AEBP2: variants seen among roughly 807,000 people sequenced by gnomAD.
The protein encoded by AEBP2 is AE binding protein 2, also known as zinc finger protein AEBP2.
In AEBP2, 10 loss-of-function variants were observed where a neutral mutation model predicts 50.8. That is an observed-to-expected ratio of 0.20 (90% CI 0.12 to 0.33). The LOEUF is 0.33. AEBP2 is among the 10% of genes least tolerant of loss of function. The pLI is 1.00. For synonymous variants in AEBP2, 296 were observed against 261.3 expected, an observed-to-expected ratio of 1.13 and a Z score of -1.28; for missense variants, 570 against 688.0, an observed-to-expected ratio of 0.83 and a Z score of 1.92.
At chr12:19,475,294 C>G (rs962405180) in intron 3 of AEBP2, among the ~76,000 whole-genome samples, 5 of 150,920 alleles carry the variant, frequency 3.3e-5, no homozygotes, top group Admixed American at 6.6e-5. Context: ...TAGCTTAGCT[C>G]CTAATTATAA....
intron 1 of AEBP2, among the ~76,000 whole-genome samples, chr12:19,452,968 T>TTC (rs1465820236): frequency 8.3e-6 from 1 of 120,994 alleles, no homozygotes; most frequent in Non-Finnish European, 1.8e-5. Context: ...GTTCTTTTTT[T>TTC]TTTTTTTTTT....
rs928521424 is a variant in AEBP2 at position 19,519,982 on chromosome 12, GTTTTCT to G, written c.*1869_*1874del. On this transcript the variant is annotated 3_prime_UTR_variant, in exon 8 of 8. Transcript: ENST00000266508. ...AAGCAGTGTGTTTTCTTTTTTTGTT[GTTTTCT>G]TTTGCTTAAGCACTTCATCAATTGC... is the stretch of plus-strand genomic sequence containing the variant. 1 of 152,386 alleles carries G rather than the reference GTTTTCT, an allele frequency of 6.6e-6. No homozygotes were observed. The highest frequency in any genetic ancestry group is 1.5e-5 in the Non-Finnish European group (1 of 67,866). The allele number at this position is 152,386 out of a possible 1,614,324, so 9.4% of individuals were successfully genotyped here.
upstream of AEBP2, among the ~76,000 whole-genome samples, chr12:19,436,597 T>TGG (rs1555180437): frequency 8.2e-5 from 12 of 146,136 alleles, no homozygotes; most frequent in African/African-American, 3.0e-4. Flanking sequence ...CTTTTTTTTT[T>TGG]GGGGGGGGGA....
intron 2 of AEBP2, among the ~76,000 whole-genome samples, chr12:19,465,792 T>C (rs1948461539): frequency 1.9e-4 from 2 of 10,592 alleles, no homozygotes; most frequent in Non-Finnish European, 3.9e-4. Context: ...TTGTTTTTTC[T>C]TTTTTTTTTT....
intron 3 of AEBP2, among the ~76,000 whole-genome samples, chr12:19,476,251 A>T (rs576140140): frequency 1.8e-4 from 27 of 152,284 alleles, no homozygotes; most frequent in Non-Finnish European, 3.4e-4. Context: ...AAGGTGAGAA[A>T]TGAGGATCCA....
At chr12:19,430,010 G>A (rs1394856469) in intron 1 of AEBP2, among the ~76,000 whole-genome samples, 3 of 152,052 alleles carry the variant, frequency 2.0e-5, no homozygotes, top group Non-Finnish European at 2.9e-5. Context: ...TTTGGCTTTT[G>A]TTGCCATTGC....
chr12:19,465,528 T>C (rs570786051), intron 2 of AEBP2, among the ~76,000 whole-genome samples: 5 of 152,322 alleles, frequency 3.3e-5, no homozygotes, highest in East Asian at 3.9e-4. Flanking sequence ...CCCAGTTTTT[T>C]CCTACATACC....
intron 6 of AEBP2, among the ~76,000 whole-genome samples, 188 bp downstream of exon 6, chr12:19,512,653 A>G (rs947202443): frequency 6.6e-6 from 1 of 151,118 alleles, no homozygotes; most frequent in Non-Finnish European, 1.5e-5. Context: ...TACGCTTCAA[A>G]ACTTAAGCCC....
At chr12:19,496,862 T>C (rs1030626478) in intron 4 of AEBP2, among the ~76,000 whole-genome samples, 3 of 151,676 alleles carry the variant, frequency 2.0e-5, no homozygotes, top group East Asian at 1.9e-4. Flanking sequence ...AGTGGGGTTT[T>C]GTCTTTTTGA....
At chr12:19,485,684 G>C (rs1196062430) in intron 3 of AEBP2, among the ~76,000 whole-genome samples, 2 of 132,052 alleles carry the variant, frequency 1.5e-5, no homozygotes, top group Non-Finnish European at 3.2e-5. Flanking sequence ...CTGGGTGACA[G>C]AGAGAGAGAG....
chr12:19,462,678 T>G lies in AEBP2; in HGVS notation c.840T>G (p.Asp280Glu), dbSNP rs199743690. 1 of 1,613,916 alleles carries G rather than the reference T, an allele frequency of 6.2e-7. No individual in the cohort carries two copies. The highest frequency in any genetic ancestry group is 1.7e-5 in the Admixed American group (1 of 60,020). The change falls in exon 2 of 8, where the codon GAT (aspartate) becomes GAG (glutamate). Residue 280 changes from aspartate to glutamate, a missense_variant. By Grantham distance (45) the Asp-to-Glu change is conservative. Transcript: ENST00000266508. Reference protein sequence around the residue: ...ACFNSSPDLADHIRSIHVDGQ... With the variant: ...ACFNSSPDLAEHIRSIHVDGQ... The stretch of plus-strand genomic sequence containing the variant: ...TCAACTCTAGCCCAGATCTGGCAGA[T>G]CACATCCGTTCCATACATGTAGATG...
In AEBP2 at chr12:19,500,136, C is replaced by T. The variant is rs771922337; in HGVS notation, c.1214C>T (p.Ala405Val). The change falls in exon 5 of 8, where the codon GCG (alanine) becomes GTG (valine). Residue 405 changes from alanine to valine, a missense_variant. Coordinates refer to ENST00000266508, the MANE Select transcript of AEBP2 (RefSeq NM_153207.5). ...TTCTTCGATGCACAAACACTGGATG[C>T]GATAAGACATCGAGCCATATGCTTT... Reference protein sequence around the residue: ...HDFFDAQTLDAIRHRAICFNL... With the variant: ...HDFFDAQTLDVIRHRAICFNL... 4.4e-6 allele frequency: 7 copies of T among 1,606,280 alleles called. No homozygotes were observed. Among genetic ancestry groups the T allele is most frequent in the Middle Eastern group, 1.7e-4 (1 of 6,050 alleles).
intron 2 of AEBP2, among the ~76,000 whole-genome samples, chr12:19,470,946 C>T (rs1424512379): frequency 2.6e-5 from 4 of 152,086 alleles, no homozygotes; most frequent in South Asian, 2.1e-4. Context: ...TTTCTGTTTA[C>T]GTATTAGGTT....
chr12:19,453,060 C>T (rs574106553), intron 1 of AEBP2, among the ~76,000 whole-genome samples: 111 of 151,256 alleles, frequency 7.3e-4, no homozygotes, highest in African/African-American at 2.6e-3. Flanking sequence ...GCTCCGCCTC[C>T]CAGGTTCACG....
chr12:19,408,478 G>A (rs1352972652), intron 1 of AEBP2, among the ~76,000 whole-genome samples: 2 of 151,792 alleles, frequency 1.3e-5, no homozygotes, highest in African/African-American at 4.8e-5. Flanking sequence ...GAACCCAGGA[G>A]GTGGAAGTTG....
At chr12:19,452,150 C>T (rs1948175382) in intron 1 of AEBP2, among the ~76,000 whole-genome samples, 1 of 152,154 alleles carries the variant, frequency 6.6e-6, no homozygotes, top group South Asian at 2.1e-4. Flanking sequence ...CTCAGCCTCC[C>T]AAAGTGCTGG....
intron 3 of AEBP2, among the ~76,000 whole-genome samples, chr12:19,480,217 C>T (rs1253559203): frequency 6.6e-6 from 1 of 152,166 alleles, no homozygotes; most frequent in African/African-American, 2.4e-5. Context: ...ATTCTGCCTG[C>T]CTCACCCTCC....
At chr12:19,463,625 G>A (rs1375814776) in intron 2 of AEBP2, among the ~76,000 whole-genome samples, 1 of 150,140 alleles carries the variant, frequency 6.7e-6, no homozygotes, top group African/African-American at 2.4e-5. Flanking sequence ...CATCCAACCG[G>A]GTCAACGTTT....
At chr12:19,482,534 G>T (rs1239920316) in intron 3 of AEBP2, among the ~76,000 whole-genome samples, 1 of 152,202 alleles carries the variant, frequency 6.6e-6, no homozygotes, top group Non-Finnish European at 1.5e-5. Flanking sequence ...GAATTGGTTG[G>T]CCTCCAACCA....
Sources: allele counts gnomAD v4.1 joint callset (sites outside exome capture counted in the v4.1 genomes callset), GRCh38; gene constraint gnomAD v4.1.1; transcripts MANE v1.5; gene names NCBI Gene and HGNC (gene_info 2026-07-23, HGNC 2026-07-21).